Variants in SND1 observed in about 807,000 individuals in gnomAD.
SND1 encodes the protein staphylococcal nuclease and tudor domain containing 1, also known as staphylococcal nuclease domain-containing protein 1.
In SND1, 38 loss-of-function variants were observed where a neutral mutation model predicts 121.7. That is an observed-to-expected ratio of 0.31 (90% CI 0.24 to 0.41). The LOEUF (loss-of-function observed/expected upper bound fraction) is 0.41, where lower values mean the gene tolerates loss of function less well. Among genes scored for constraint, SND1 ranks in the 10% least tolerant of loss-of-function variants. The pLI, the probability that SND1 is intolerant of heterozygous loss-of-function variation, is 1.00. For synonymous variants in SND1, 401 were observed against 447.4 expected (o/e 0.90, Z 1.31); for missense variants, 868 against 1,184.6 (o/e 0.73, Z 3.92).
intron 16 of SND1, chr7:128,030,293 C>G (rs978924305): frequency 1.2e-6 from 2 of 1,614,094 alleles, no homozygotes; most frequent in African/African-American, 2.7e-5. Flanking sequence ...TGAAGGCCCC[C>G]ACCTCAATCT....
At position 127,715,796 on chromosome 7, in the gene SND1, G is replaced by A. The variant is rs62481368; in HGVS notation, c.1039-5491G>A. On this transcript the variant is annotated intron_variant, in intron 9 of 23. Coordinates refer to ENST00000354725, the MANE Select transcript of SND1 (RefSeq NM_014390.4). Reference sequence around the variant, plus strand: ...TTGAGAAATCATTGCCAAATCCAATGTTGCAAAGTTTCTGCCCTGTGTTTT... The same window carrying A: ...TTGAGAAATCATTGCCAAATCCAATATTGCAAAGTTTCTGCCCTGTGTTTT... Among the ~76,000 whole-genome samples the A allele has an allele frequency of 7.9e-3, 1,205 of 152,258 alleles. 7 individuals carry two copies. The highest frequency in any genetic ancestry group is 0.017 in the Middle Eastern group (5 of 294).
chr7:127,701,335 G>A lies in SND1; in HGVS notation c.589+12G>A. 6.2e-7 allele frequency: 1 copy of A among 1,612,698 alleles called. No individual in the cohort carries two copies. Among genetic ancestry groups the A allele is most frequent in the Middle Eastern group, 1.7e-4 (1 of 6,046 alleles). The stretch of plus-strand genomic sequence containing the variant: ...GAAGCCTGTTAATGGTGAGGCTGGT[G>A]GGAACAGACAGATACGACTCAGGGT... On this transcript the variant is annotated intron_variant, in intron 5 of 23. Transcript: ENST00000354725.
Position 127,994,549 on chromosome 7 carries a change from C to CAAAAAAAAAAAA in SND1, c.1779+3518_1779+3529dup, listed in dbSNP as rs563548702. Among the ~76,000 whole-genome samples the CAAAAAAAAAAAA allele has an allele frequency of 3.5e-4, 16 of 46,236 alleles. 1 individual carries two copies. The highest frequency in any genetic ancestry group is 2.4e-3 in the East Asian group (2 of 832). The allele number at this position is 46,236 out of a possible 152,430, so 30.3% of individuals were successfully genotyped here. A position where few individuals can be genotyped will look rare whatever the true frequency, so the allele number is the denominator to read the frequency against. ...CTCTCAAATGACGATCACTTTTACTCAAAAAAAAAAAAAAAAAAAAAAAAA... is the reference window on the plus strand; with the variant it reads ...CTCTCAAATGACGATCACTTTTACTCAAAAAAAAAAAAAAAAAAAAAAAAAAAAAAAAAAAAA... On this transcript the variant is annotated intron_variant, in intron 16 of 23. Transcript: ENST00000354725.
chr7:127,961,024 A>G (rs781476162), intron 15 of SND1, among the ~76,000 whole-genome samples: 2 of 152,190 alleles, frequency 1.3e-5, no homozygotes, highest in South Asian at 2.1e-4. Context: ...GGGTGCCTCA[A>G]ACCCTAACAA....
At chr7:127,976,260 G>A (rs1004952559) in intron 15 of SND1, among the ~76,000 whole-genome samples, 4 of 152,224 alleles carry the variant, frequency 2.6e-5, no homozygotes, top group Non-Finnish European at 5.9e-5. Flanking sequence ...CTGATTTCTG[G>A]CAAGCTTCCC....
chr7:127,723,942 T>C (rs1312604472), intron 10 of SND1, among the ~76,000 whole-genome samples: 3 of 152,218 alleles, frequency 2.0e-5, no homozygotes, highest in African/African-American at 7.2e-5. Context: ...ATATTTGAAA[T>C]ATGGTATGTA....
At chr7:127,849,671 A>G (rs1021748439) in intron 12 of SND1, among the ~76,000 whole-genome samples, 1 of 152,234 alleles carries the variant, frequency 6.6e-6, no homozygotes, top group Non-Finnish European at 1.5e-5. Context: ...TGGCACAGAG[A>G]TGGAACCTTG....
chr7:127,743,842 G>A (rs2116441159), intron 10 of SND1, among the ~76,000 whole-genome samples: 2 of 152,264 alleles, frequency 1.3e-5, no homozygotes, highest in South Asian at 4.1e-4. Context: ...TTTTCCTGTT[G>A]AAATTGGCCA....
chr7:127,933,876 T>C (rs1558492), intron 15 of SND1, among the ~76,000 whole-genome samples: 1 of 152,180 alleles, frequency 6.6e-6, no homozygotes, highest in South Asian at 2.1e-4. Context: ...TGGAAGGAAG[T>C]CTCCTGGCTT....
chr7:127,654,311 G>A (rs886861090), intron 1 of SND1, among the ~76,000 whole-genome samples: 5 of 152,142 alleles, frequency 3.3e-5, no homozygotes, highest in Non-Finnish European at 7.3e-5. Context: ...AGTAGATAAC[G>A]ATTATCAGCC....
intron 15 of SND1, among the ~76,000 whole-genome samples, chr7:127,958,394 T>C (rs901465159): frequency 8.5e-5 from 13 of 152,236 alleles, no homozygotes; most frequent in African/African-American, 3.1e-4. Flanking sequence ...CTTTGTCCAG[T>C]CGTCTGTGTC....
chr7:127,666,162 C>G (rs1167828759), intron 1 of SND1, among the ~76,000 whole-genome samples: 1 of 152,186 alleles, frequency 6.6e-6, no homozygotes, highest in African/African-American at 2.4e-5. Context: ...GGACACAGGT[C>G]CAGCTCCTGG....
chr7:127,658,562 G>T (rs1795252290), intron 1 of SND1, among the ~76,000 whole-genome samples: 1 of 152,170 alleles, frequency 6.6e-6, no homozygotes, highest in African/African-American at 2.4e-5. Context: ...TTACTACATG[G>T]AATTTACTGC....
intron 10 of SND1, among the ~76,000 whole-genome samples, chr7:127,756,121 A>G (rs1467003446): frequency 6.6e-6 from 1 of 152,250 alleles, no homozygotes; most frequent in African/African-American, 2.4e-5. Context: ...GGCAGTAGAT[A>G]AACTTTTGGT....
intron 14 of SND1, among the ~76,000 whole-genome samples, chr7:127,911,939 G>A (rs575616313): frequency 6.6e-6 from 1 of 152,052 alleles, no homozygotes; most frequent in African/African-American, 2.4e-5. Context: ...TAGCTTTATT[G>A]TGTTGGAGTT....
chr7:127,718,265 A>C (rs1374962872), intron 9 of SND1, among the ~76,000 whole-genome samples: 3 of 152,126 alleles, frequency 2.0e-5, no homozygotes, highest in Non-Finnish European at 4.4e-5. Context: ...GATGAAAAGC[A>C]CCAGAAGAAA....
At chr7:127,694,279 C>T (rs1795971329) in intron 2 of SND1, among the ~76,000 whole-genome samples, 2 of 152,184 alleles carry the variant, frequency 1.3e-5, no homozygotes, top group South Asian at 4.1e-4. Context: ...AATCATGTCC[C>T]TCCTCCAACA....
At chr7:128,074,328 G>A (rs1793468116) in intron 16 of SND1, among the ~76,000 whole-genome samples, 174 bp from the exon 17 acceptor site, 1 of 152,222 alleles carries the variant, frequency 6.6e-6, no homozygotes, top group Non-Finnish European at 1.5e-5. Flanking sequence ...GTTTTGGGGT[G>A]TGTCTGTTCC....
At chr7:127,670,365 A>C (rs911971098) in intron 1 of SND1, among the ~76,000 whole-genome samples, 1 of 150,204 alleles carries the variant, frequency 6.7e-6, no homozygotes, top group Non-Finnish European at 1.5e-5. Context: ...CCATCCTCCT[A>C]CCTCAGCCTC....
Sources: allele counts gnomAD v4.1 joint callset (sites outside exome capture counted in the v4.1 genomes callset), GRCh38; gene constraint gnomAD v4.1.1; transcripts MANE v1.5; gene names NCBI Gene and HGNC (gene_info 2026-07-23, HGNC 2026-07-21).